The following ZDHHC2 variants were observed in gnomAD, a reference collection of about 807,000 sequenced individuals.
ZDHHC2 encodes palmitoyltransferase ZDHHC2.
A neutral mutation model predicts 55.6 loss-of-function variants in ZDHHC2; 51 were observed. The ratio of observed to expected loss-of-function variants is 0.92; its 90% CI spans 0.73 to 1.16. ZDHHC2 has a LOEUF of 1.16. Ranked by LOEUF, ZDHHC2 falls within the 50% of genes most tolerant of loss-of-function variation. The probability of loss-of-function intolerance (pLI) is 0.00; values close to 1 mark genes in which losing one functional copy is unlikely to be tolerated. For synonymous variants in ZDHHC2, 199 were observed against 152.9 expected, an observed-to-expected ratio of 1.30 and a Z score of -2.22; for missense variants, 491 against 442.4, an observed-to-expected ratio of 1.11 and a Z score of -0.99.
At chr8:17,216,347 C>T (rs919018370) in intron 11 of ZDHHC2, among the ~76,000 whole-genome samples, 1 of 152,138 alleles carries the variant, frequency 6.6e-6, no homozygotes, top group Non-Finnish European at 1.5e-5. Context: ...GTCATCTTCT[C>T]CTAAAATAGA....
intron 3 of ZDHHC2, among the ~76,000 whole-genome samples, chr8:17,188,725 C>A (rs1389943421): frequency 6.6e-6 from 1 of 152,174 alleles, no homozygotes; most frequent in African/African-American, 2.4e-5. Flanking sequence ...TAGCCTGGTG[C>A]TTGCTAATAA....
intron 1 of ZDHHC2, among the ~76,000 whole-genome samples, chr8:17,184,374 T>C (rs1010759686): frequency 8.5e-5 from 13 of 152,238 alleles, no homozygotes; most frequent in Non-Finnish European, 8.8e-5. Context: ...TTTTATTCTT[T>C]GTGGAAAGCT....
intron 1 of ZDHHC2, among the ~76,000 whole-genome samples, chr8:17,172,308 G>A (rs1398912804): frequency 5.3e-5 from 8 of 152,156 alleles, no homozygotes; most frequent in Admixed American, 3.9e-4. Context: ...CTAAATATAC[G>A]GACTTTTAAT....
At chr8:17,179,277 T>C (rs1805314185) in intron 1 of ZDHHC2, among the ~76,000 whole-genome samples, 1 of 152,170 alleles carries the variant, frequency 6.6e-6, no homozygotes, top group African/African-American at 2.4e-5. Flanking sequence ...ACGGGAATGA[T>C]CAGTGGCGGT....
At chr8:17,164,873 T>C (rs999129406) in intron 1 of ZDHHC2, among the ~76,000 whole-genome samples, 4 of 152,202 alleles carry the variant, frequency 2.6e-5, no homozygotes, top group African/African-American at 9.7e-5. Context: ...TTCATCATAT[T>C]TGAAGGGTAT....
At chr8:17,205,912 A>T in intron 7 of ZDHHC2, 137 bp downstream of exon 7, 1 of 831,432 alleles carries the variant, frequency 1.2e-6, no homozygotes, top group Non-Finnish European at 1.8e-6. Context: ...TTATTCGCAG[A>T]TTCTTTATTT....
intron 6 of ZDHHC2, among the ~76,000 whole-genome samples, chr8:17,201,992 T>C (rs1038439261): frequency 2.6e-5 from 4 of 152,172 alleles, no homozygotes; most frequent in Admixed American, 6.5e-5. Flanking sequence ...TAAAACAGAT[T>C]CCGTAGTATT....
chr8:17,173,956 G>C, intron 1 of ZDHHC2, among the ~76,000 whole-genome samples: 1 of 152,072 alleles, frequency 6.6e-6, no homozygotes, highest in Admixed American at 6.5e-5. Flanking sequence ...GAAGAAATTT[G>C]GATACAGAGA....
chr8:17,174,636 A>T (rs1464189923), intron 1 of ZDHHC2, among the ~76,000 whole-genome samples: 7 of 151,694 alleles, frequency 4.6e-5, no homozygotes, highest in Non-Finnish European at 1.0e-4. Flanking sequence ...CCCTTAAGAG[A>T]CTTCCCATAT....
At chr8:17,187,335 C>A (rs1299928196) in intron 3 of ZDHHC2, among the ~76,000 whole-genome samples, 1 of 151,908 alleles carries the variant, frequency 6.6e-6, no homozygotes, top group Non-Finnish European at 1.5e-5. Context: ...GTATCCTTGG[C>A]GTATAGCCCA....
At chr8:17,209,018 A>G (rs1253486267) in intron 8 of ZDHHC2, among the ~76,000 whole-genome samples, 2 of 152,184 alleles carry the variant, frequency 1.3e-5, no homozygotes, top group East Asian at 3.9e-4. Flanking sequence ...TTAATGGAGA[A>G]AAATCATTAT....
chr8:17,166,124 A>G (rs1804587353), intron 1 of ZDHHC2, among the ~76,000 whole-genome samples: 1 of 152,210 alleles, frequency 6.6e-6, no homozygotes, highest in South Asian at 2.1e-4. Flanking sequence ...TGTTGAGTCC[A>G]GAGGTGATGC....
At chr8:17,219,838 A>G (rs1807833638) in intron 12 of ZDHHC2, among the ~76,000 whole-genome samples, 1 of 152,108 alleles carries the variant, frequency 6.6e-6, no homozygotes, top group African/African-American at 2.4e-5. Flanking sequence ...TTTCAAAATC[A>G]TTTCCCTAAA....
chr8:17,177,103 C>T (rs1053988599), intron 1 of ZDHHC2, among the ~76,000 whole-genome samples: 16 of 152,170 alleles, frequency 1.1e-4, no homozygotes, highest in African/African-American at 3.9e-4. Context: ...AGGGGTTCCC[C>T]TGGCCAATTT....
intron 6 of ZDHHC2, among the ~76,000 whole-genome samples, chr8:17,205,304 A>G (rs1807044270): frequency 6.6e-6 from 1 of 152,234 alleles, no homozygotes; most frequent in South Asian, 2.1e-4. Context: ...AAACCCAAAG[A>G]TGGCGTAGAG....
At chr8:17,216,478 T>A (rs1408619406) in intron 11 of ZDHHC2, among the ~76,000 whole-genome samples, 3 of 152,200 alleles carry the variant, frequency 2.0e-5, no homozygotes, top group African/African-American at 7.2e-5. Context: ...TTCTAATCTA[T>A]GGCAAGGACT....
chr8:17,213,646 A>T (rs546749563), intron 10 of ZDHHC2, among the ~76,000 whole-genome samples: 1 of 152,260 alleles, frequency 6.6e-6, no homozygotes, highest in South Asian at 2.1e-4. Flanking sequence ...ATAACAGTGA[A>T]ATTTCCATAA....
chr8:17,205,531 T>C (rs1212563758), intron 6 of ZDHHC2, 124 bp from the exon 7 acceptor site: 6 of 1,117,144 alleles, frequency 5.4e-6, no homozygotes, highest in Non-Finnish European at 7.3e-6. Context: ...AGAAATCTTA[T>C]GAGTTATATT....
intron 1 of ZDHHC2, among the ~76,000 whole-genome samples, chr8:17,174,697 G>A (rs1019750494): frequency 7.9e-5 from 10 of 127,170 alleles, no homozygotes; most frequent in Non-Finnish European, 1.5e-4. Flanking sequence ...GTTTGATATT[G>A]TGTTATTCTT....
Sources: gnomAD v4.1 joint callset for allele counts (sites outside exome capture counted in the v4.1 genomes callset) on GRCh38, gnomAD v4.1.1 for gene constraint, MANE v1.5 for transcripts, NCBI Gene and HGNC (gene_info 2026-07-23, HGNC 2026-07-21) for gene names.